The following COL4A5 variants were observed in gnomAD, a reference collection of about 807,000 sequenced individuals.
The protein encoded by COL4A5 is collagen alpha-5(IV) chain.
COL4A5 carries 26 observed loss-of-function variants against 130.2 expected under a neutral mutation model. The ratio of observed to expected loss-of-function variants is 0.20; its 90% CI spans 0.15 to 0.28. The LOEUF (loss-of-function observed/expected upper bound fraction) is 0.28. COL4A5 is among the 10% of genes least tolerant of loss of function. The pLI is 1.00. For synonymous variants in COL4A5, 496 were observed against 439.6 expected, an observed-to-expected ratio of 1.13 and a Z score of -1.60; for missense variants, 1,131 against 1,344.3, an observed-to-expected ratio of 0.84 and a Z score of 2.48.
At chrX:108,612,878 C>T (rs2066860955) in intron 29 of COL4A5, among the ~76,000 whole-genome samples, 1 of 111,620 alleles carries the variant, frequency 9.0e-6, no homozygotes, top group Admixed American at 9.5e-5. Context: ...AATAAAGCTA[C>T]AATAGTTAAA....
chrX:108,658,421 C>T (rs1451572912), intron 37 of COL4A5, among the ~76,000 whole-genome samples: 3 of 110,689 alleles, frequency 2.7e-5, no homozygotes, highest in Non-Finnish European at 5.7e-5. Flanking sequence ...CTCATAGTGT[C>T]CTTGTCAATG....
At chrX:108,538,801 C>G (rs148570951) in intron 1 of COL4A5, among the ~76,000 whole-genome samples, 4 of 111,904 alleles carry the variant, frequency 3.6e-5, no homozygotes, top group Non-Finnish European at 5.6e-5. Context: ...AGTTCATTTT[C>G]TAAGAGTAAA....
chrX:108,444,382 G>C (rs921563426), intron 1 of COL4A5, among the ~76,000 whole-genome samples: 1 of 110,420 alleles, frequency 9.1e-6, no homozygotes, highest in African/African-American at 3.3e-5. Context: ...ACCATGCCGG[G>C]CTAATTTTTT....
intron 1 of COL4A5, among the ~76,000 whole-genome samples, chrX:108,514,610 G>A (rs2065205532): frequency 8.9e-6 from 1 of 112,143 alleles, no homozygotes; most frequent in Non-Finnish European, 1.9e-5. Flanking sequence ...AGAAATATTT[G>A]TGGTATAACG....
intron 1 of COL4A5, among the ~76,000 whole-genome samples, chrX:108,482,174 T>A (rs771378223): frequency 7.2e-5 from 8 of 111,561 alleles, no homozygotes; most frequent in Admixed American, 9.6e-5. Context: ...TTAATATCCA[T>A]TCTCATGCCT....
chrX:108,557,862 G>A (rs147528332), intron 2 of COL4A5, among the ~76,000 whole-genome samples: 1,628 of 110,470 alleles, frequency 0.015, 24 homozygotes, highest in African/African-American at 0.051. Context: ...GAAAAGTGGA[G>A]GAACTACTTG....
chrX:108,563,362 A>G (rs1332169182), intron 3 of COL4A5, among the ~76,000 whole-genome samples: 1 of 111,447 alleles, frequency 9.0e-6, no homozygotes, highest in African/African-American at 3.3e-5. Flanking sequence ...CTAGGAAGGA[A>G]AGTTTATGGT....
intron 6 of COL4A5, among the ~76,000 whole-genome samples, chrX:108,570,040 T>TG (rs1037556151): frequency 1.8e-5 from 2 of 111,853 alleles, no homozygotes; most frequent in Non-Finnish European, 1.9e-5. Context: ...TAAAATAACT[T>TG]GAACAACTAT....
rs1569508338 is a variant in COL4A5 at position 108,687,520 on chromosome X, T to G, written c.4354T>G (p.Leu1452Val). Residue 1452 changes from leucine (L) to valine (V), a missense_variant, in exon 49 of 53, where the codon TTG becomes GTG. Coordinates refer to ENST00000328300, the MANE Select transcript of COL4A5 (RefSeq NM_033380.3). ...GLDGPPGPDG[L>V]QGPPGPPGTS... ...GGATGGTCCCCCTGGTCCAGATGGA[T>G]TGCAAGGTCCCCCAGGTCCCCCTGG... 1 of 1,211,581 alleles carries G rather than the reference T, an allele frequency of 8.3e-7. No individual in the cohort carries two copies. Among genetic ancestry groups the G allele is most frequent in the East Asian group, 3.0e-5 (1 of 33,826 alleles).
At chrX:108,553,847 T>A (rs1230733312) in intron 2 of COL4A5, among the ~76,000 whole-genome samples, 1 of 111,825 alleles carries the variant, frequency 8.9e-6, no homozygotes, top group Non-Finnish European at 1.9e-5. Flanking sequence ...GGTAAATGAA[T>A]CAACACATTG....
chrX:108,648,882 C>A (rs2067664412), intron 36 of COL4A5, among the ~76,000 whole-genome samples: 1 of 110,984 alleles, frequency 9.0e-6, no homozygotes. Context: ...TACTGGAAGT[C>A]CTAGCTAGAA....
At chrX:108,680,652 G>A (rs1339757458) in intron 44 of COL4A5, 27 bp from the exon 45 acceptor site, 1 of 1,187,397 alleles carries the variant, frequency 8.4e-7, no homozygotes, top group Admixed American at 2.2e-5. Flanking sequence ...CAATTTTTTT[G>A]TAACATTAAT....
At chrX:108,672,674 G>A (rs1356941440) in intron 42 of COL4A5, among the ~76,000 whole-genome samples, 1 of 111,822 alleles carries the variant, frequency 8.9e-6, no homozygotes, top group Admixed American at 9.5e-5. Flanking sequence ...TCATTAAAAT[G>A]TTGCTTTTTA....
intron 36 of COL4A5, among the ~76,000 whole-genome samples, chrX:108,646,207 G>C (rs1042574993): frequency 9.0e-6 from 1 of 111,539 alleles, no homozygotes; most frequent in Non-Finnish European, 1.9e-5. Flanking sequence ...CAGTGTAAAA[G>C]TGTTCGTATT....
rs2068539270 is a variant in COL4A5 at position 108,686,087 on chromosome X, G to A, written c.4273G>A (p.Ala1425Thr). ...GRNGLPGFDG[A>T]GGRKGDPGLP... ...CAATGGACTCCCTGGCTTTGATGGT[G>A]CAGGAGGGCGCAAAGGAGACCCAGG... Residue 1425 changes from alanine to threonine, a missense_variant, in exon 48 of 53, where the codon GCA becomes ACA. Coordinates refer to ENST00000328300, the MANE Select transcript of COL4A5 (RefSeq NM_033380.3). 1 of 1,210,956 alleles carries A rather than the reference G, an allele frequency of 8.3e-7. No homozygotes were observed. The highest frequency in any genetic ancestry group is 2.2e-5 in the Admixed American group (1 of 45,941).
At chrX:108,475,382 A>C (rs915322592) in intron 1 of COL4A5, among the ~76,000 whole-genome samples, 6 of 111,489 alleles carry the variant, frequency 5.4e-5, no homozygotes, top group African/African-American at 2.0e-4. Context: ...GAAAAGAGAC[A>C]GTCTTACTTC....
At chrX:108,661,880 G>A (rs760374004) in intron 37 of COL4A5, among the ~76,000 whole-genome samples, 77 of 109,663 alleles carry the variant, frequency 7.0e-4, no homozygotes, top group African/African-American at 2.5e-3. Context: ...GGGTTTTCTG[G>A]GGTAATTTTA....
intron 6 of COL4A5, among the ~76,000 whole-genome samples, chrX:108,569,265 A>T (rs759612551): frequency 9.8e-5 from 11 of 112,608 alleles, no homozygotes; most frequent in East Asian, 8.3e-4. Context: ...GAAAAATCTT[A>T]AAAAATTATA....
At chrX:108,607,015 C>A in intron 29 of COL4A5, 123 bp downstream of exon 29, 2 of 695,810 alleles carry the variant, frequency 2.9e-6, no homozygotes, top group Non-Finnish European at 4.5e-6. Context: ...TCTGTTACTG[C>A]TACACATTTT....
Sources: gnomAD v4.1 joint callset for allele counts (sites outside exome capture counted in the v4.1 genomes callset) on GRCh38, gnomAD v4.1.1 for gene constraint, MANE v1.5 for transcripts, NCBI Gene and HGNC (gene_info 2026-07-23, HGNC 2026-07-21) for gene names.